The following PTPRE variants were observed in gnomAD, a reference collection of about 807,000 sequenced individuals.
The protein encoded by PTPRE is receptor-type tyrosine-protein phosphatase epsilon.
PTPRE carries 51 observed loss-of-function variants against 102.0 expected under a neutral mutation model. That is an observed-to-expected ratio of 0.50 (90% confidence interval 0.40 to 0.63). The LOEUF (loss-of-function observed/expected upper bound fraction) is 0.63, where lower values mean the gene tolerates loss of function less well. Among genes scored for constraint, PTPRE ranks in the 30% least tolerant of loss-of-function variants. The pLI, the probability that PTPRE is intolerant of heterozygous loss-of-function variation, is 0.00. For synonymous variants in PTPRE, 345 were observed against 348.2 expected, an observed-to-expected ratio of 0.99 and a Z score of 0.10; for missense variants, 752 against 915.1, an observed-to-expected ratio of 0.82 and a Z score of 2.30.
At position 128,083,259 on chromosome 10, in the gene PTPRE, A is replaced by T. The variant is rs1356431324; in HGVS notation, c.*353A>T. The T allele has an allele frequency of 1.8e-5, 3 of 163,174 alleles. No individual in the cohort carries two copies. Among genetic ancestry groups the T allele is most frequent in the South Asian group, 3.2e-4 (2 of 6,190 alleles). The allele number at this position is 163,174 out of a possible 1,614,324, so 10.1% of individuals were successfully genotyped here. A position where few individuals can be genotyped will look rare whatever the true frequency, so the allele number is the denominator to read the frequency against. On this transcript the variant is annotated 3_prime_UTR_variant, in exon 21 of 21. Coordinates refer to ENST00000254667, the MANE Select transcript of PTPRE (RefSeq NM_006504.6). ...TCTGCAAGATACTAACACAAAGCTCATGTTAAGAAAACAGTTGAGGACTCA... is the reference window on the plus strand; with the variant it reads ...TCTGCAAGATACTAACACAAAGCTCTTGTTAAGAAAACAGTTGAGGACTCA...
chr10:127,999,488 G>A (rs1297082262), intron 2 of PTPRE: 3 of 971,950 alleles, frequency 3.1e-6, no homozygotes, highest in South Asian at 9.5e-5. Context: ...CTGGGAGCAG[G>A]GCGCTCTCGC....
In PTPRE at chr10:127,941,608, C is replaced by T. The variant is rs541833335; in HGVS notation, c.-31+34299C>T. Among the ~76,000 whole-genome samples the T allele has an allele frequency of 6.6e-5, 10 of 152,366 alleles. 1 individual carries two copies. In the South Asian group the frequency reaches 1.5e-3, roughly 22 times the overall value. ...ACAATGAATGTAAACAAATCTTACA[C>T]CAGGTAGGCTAAATAGGAGCCATTT... On this transcript the variant is annotated intron_variant, in intron 1 of 20. Coordinates refer to ENST00000254667, the MANE Select transcript of PTPRE (RefSeq NM_006504.6).
intron 3 of PTPRE, among the ~76,000 whole-genome samples, chr10:128,046,281 G>T (rs1160525016): frequency 6.6e-6 from 1 of 152,188 alleles, no homozygotes; most frequent in Non-Finnish European, 1.5e-5. Context: ...GAGCCTCTGG[G>T]GCTGCGGAGC....
intron 1 of PTPRE, among the ~76,000 whole-genome samples, chr10:127,945,909 G>A (rs1848588002): frequency 6.6e-6 from 1 of 152,082 alleles, no homozygotes; most frequent in Non-Finnish European, 1.5e-5. Flanking sequence ...TGAAGAAAAG[G>A]TTGTAAATCA....
intron 2 of PTPRE, among the ~76,000 whole-genome samples, chr10:128,032,764 A>G (rs1389212305): frequency 1.3e-5 from 2 of 152,232 alleles, no homozygotes; most frequent in Non-Finnish European, 2.9e-5. Context: ...ATTACAGGGT[A>G]GAGGATTTTG....
chr10:128,053,625 G>A (rs895593506), intron 6 of PTPRE, among the ~76,000 whole-genome samples: 3 of 152,198 alleles, frequency 2.0e-5, no homozygotes, highest in African/African-American at 7.2e-5. Context: ...CTGTGCATCT[G>A]GGTGGCTACG....
At chr10:128,007,075 A>G (rs1316119949) in intron 2 of PTPRE, among the ~76,000 whole-genome samples, 1 of 152,182 alleles carries the variant, frequency 6.6e-6, no homozygotes, top group African/African-American at 2.4e-5. Flanking sequence ...AGATTGTGAC[A>G]TATATTTATT....
intron 1 of PTPRE, among the ~76,000 whole-genome samples, chr10:127,935,790 C>A (rs147593080): frequency 1.3e-5 from 2 of 152,278 alleles, no homozygotes; most frequent in East Asian, 3.9e-4. Flanking sequence ...TCACAGGGAC[C>A]CCTCCACCTG....
chr10:128,061,558 T>C lies in PTPRE; in HGVS notation c.589-121T>C, dbSNP rs540137896. 6 of 1,247,182 alleles carry C rather than the reference T, an allele frequency of 4.8e-6. No individual in the cohort carries two copies. In the South Asian group the frequency reaches 7.4e-5, roughly 15 times the overall value. 77.3% of individuals were successfully genotyped at this position (1,247,182 alleles called of 1,614,324 possible). The stretch of plus-strand genomic sequence containing the variant: ...GTGAGTTTTCTTTCCTTCTTAACCT[T>C]TTCCTGTGTTTTGCAAATTTTCCAT... On this transcript the variant is annotated intron_variant, in intron 8 of 20. Transcript: ENST00000254667.
intron 18 of PTPRE, 74 bp from the exon 19 acceptor site, chr10:128,077,543 C>CTGAG: frequency 6.6e-7 from 1 of 1,523,720 alleles, no homozygotes; most frequent in Non-Finnish European, 8.9e-7. Flanking sequence ...TGGCCAATCC[C>CTGAG]TGAGAGGGCA....
In PTPRE at chr10:128,028,109, A is replaced by G. The variant is rs6482647; in HGVS notation, c.-7-12766A>G. On this transcript the variant is annotated intron_variant, in intron 2 of 20. Transcript: ENST00000254667. The surrounding 1 kb of genome is among the most constrained non-coding windows in gnomAD (Gnocchi z 4.5). ...GCCCAGGACACTGATGGTGCAGACC[A>G]CTGGATTTCTGGAGAACACTGTACT... 0.52 allele frequency among the ~76,000 whole-genome samples: 78,388 copies of G among 152,084 alleles called. 20,507 individuals are homozygous for G. Among genetic ancestry groups the G allele is most frequent in the East Asian group, 0.58 (3,004 of 5,158 alleles).
intron 5 of PTPRE, 58 bp from the exon 6 acceptor site, chr10:128,049,471 CT>C: frequency 6.3e-7 from 1 of 1,589,040 alleles, no homozygotes; most frequent in Non-Finnish European, 8.6e-7. Context: ...AGCTTGGTTA[CT>C]CAGTCGCCTA....
chr10:127,983,632 A>C (rs913980695), intron 2 of PTPRE, among the ~76,000 whole-genome samples: 1 of 152,180 alleles, frequency 6.6e-6, no homozygotes, highest in Non-Finnish European at 1.5e-5. Flanking sequence ...TGCTAGAATG[A>C]AATATTTGAG....
intron 12 of PTPRE, 89 bp from the exon 13 acceptor site, chr10:128,069,603 T>C: frequency 6.5e-7 from 1 of 1,533,284 alleles, no homozygotes; most frequent in South Asian, 1.2e-5. Flanking sequence ...TTGCATCCAG[T>C]GACCTGGGTG....
In PTPRE at chr10:127,987,453, T is replaced by C. The variant is rs1852190537; in HGVS notation, c.-8+5157T>C. The C allele has an allele frequency of 3.7e-6, 3 of 806,908 alleles. No individual in the cohort carries two copies. In the Admixed American group the frequency reaches 1.0e-4, roughly 27 times the overall value. The allele number at this position is 806,908 out of a possible 1,614,324, so 50.0% of individuals were successfully genotyped here. A position where few individuals can be genotyped will look rare whatever the true frequency, so the allele number is the denominator to read the frequency against. On this transcript the variant is annotated intron_variant, in intron 2 of 20. Coordinates refer to ENST00000254667, the MANE Select transcript of PTPRE (RefSeq NM_006504.6). ...TCTTTGGTTTTGTGTCATGGTTGCT[T>C]CTAATATAATTTCTAAAGTACCTAA...
intron 1 of PTPRE, among the ~76,000 whole-genome samples, chr10:127,970,955 T>A (rs1005080497): frequency 2.2e-4 from 34 of 152,128 alleles, no homozygotes; most frequent in Non-Finnish European, 4.9e-4. Flanking sequence ...TTGGATAAGC[T>A]TCTATGTCAT....
chr10:128,057,364 C>T (rs911884685), intron 7 of PTPRE, among the ~76,000 whole-genome samples: 6 of 152,194 alleles, frequency 3.9e-5, no homozygotes, highest in African/African-American at 1.4e-4. Flanking sequence ...AGGTTTAAAT[C>T]CCGAACCTGC....
In PTPRE at chr10:127,947,816, C is replaced by T. The variant is rs187969843; in HGVS notation, c.-30-34458C>T. On this transcript the variant is annotated intron_variant, in intron 1 of 20. Transcript: ENST00000254667. ...AAGAGAAACTGACATTGTCTTGGAC[C>T]TGTGTAATGGGCAAAGTTCAGAGTC... Among the ~76,000 whole-genome samples the T allele has an allele frequency of 2.2e-3, 331 of 152,262 alleles. 2 individuals are homozygous for T. The highest frequency in any genetic ancestry group is 7.6e-3 in the African/African-American group (316 of 41,546).
chr10:128,045,832 G>A (rs1267959144), intron 3 of PTPRE, among the ~76,000 whole-genome samples: 2 of 152,238 alleles, frequency 1.3e-5, no homozygotes, highest in Non-Finnish European at 2.9e-5. Flanking sequence ...AACCTTGTGT[G>A]GGGCCAGAAC....
Sources: gnomAD v4.1 joint callset for allele counts (sites outside exome capture counted in the v4.1 genomes callset) on GRCh38, gnomAD v4.1.1 for gene constraint, Gnocchi (gnomAD v3.1) non-coding constraint, MANE v1.5 for transcripts, NCBI Gene and HGNC (gene_info 2026-07-23, HGNC 2026-07-21) for gene names.